The following GOSR1 variants were observed in gnomAD, a reference collection of about 807,000 sequenced individuals.
GOSR1 encodes golgi SNAP receptor complex member 1.
A neutral mutation model predicts 35.5 loss-of-function variants in GOSR1; 21 were observed. That is an observed-to-expected ratio of 0.59 (90% CI 0.42 to 0.85). The LOEUF is 0.85. Among genes scored for constraint, GOSR1 ranks in the 40% least tolerant of loss-of-function variants. GOSR1 has a pLI of 0.00. For synonymous variants in GOSR1, 94 were observed against 106.6 expected (o/e 0.88, Z 0.73); for missense variants, 285 against 309.6 (o/e 0.92, Z 0.60).
At chr17:30,480,432 A>G (rs9303633) in intron 1 of GOSR1, among the ~76,000 whole-genome samples, 81,322 of 152,092 alleles carry the variant, frequency 0.53, 22,102 homozygotes, top group East Asian at 0.83. Context: ...CTTCTTTCTT[A>G]TAACATTAAC....
intron 1 of GOSR1, among the ~76,000 whole-genome samples, chr17:30,480,403 C>G (rs186411360): frequency 1.3e-5 from 2 of 151,964 alleles, no homozygotes; most frequent in African/African-American, 4.8e-5. Flanking sequence ...AAGCAAAATC[C>G]CTTTCAAAAG....
At position 30,477,709 on chromosome 17, in the gene GOSR1, G is replaced by C. The variant is rs1914034199; in HGVS notation, c.31+245G>C. ...GGGTTGGGCAGAGTGGACAGAGCGG[G>C]GATGTAGAGGAAGAGGGCTCTCAAT... On this transcript the variant is annotated intron_variant, in intron 1 of 8. Coordinates refer to ENST00000451249, the MANE Select transcript of GOSR1 (RefSeq NM_001007025.2). 5 of 985,228 alleles carry C rather than the reference G, an allele frequency of 5.1e-6. No homozygotes were observed. The South Asian group carries it at 2.3e-4, about 46-fold the overall frequency. The allele number at this position is 985,228 out of a possible 1,614,324, so 61.0% of individuals were successfully genotyped here. A position where few individuals can be genotyped will look rare whatever the true frequency, so the allele number is the denominator to read the frequency against.
chr17:30,487,509 AC>A (rs1224262075), intron 4 of GOSR1, among the ~76,000 whole-genome samples: 2 of 152,236 alleles, frequency 1.3e-5, no homozygotes, highest in African/African-American at 4.8e-5. Context: ...AAAATTGCTT[AC>A]AAAAAAATGA....
rs959933053 is a variant in GOSR1, at chr17:30,527,327, C to G, written c.*4949C>G. On this transcript the variant is annotated 3_prime_UTR_variant, in exon 9 of 9. Coordinates refer to ENST00000451249, the MANE Select transcript of GOSR1 (RefSeq NM_001007025.2). ...AACGATTGTGCCACTGTACTCCAGCCTGGGTGACAGAGACCCTGTCTCAAA... is the reference window on the plus strand; with the variant it reads ...AACGATTGTGCCACTGTACTCCAGCGTGGGTGACAGAGACCCTGTCTCAAA... 6 of 152,314 alleles carry G rather than the reference C, an allele frequency of 3.9e-5. No homozygotes were observed. The South Asian group carries it at 1.2e-3, about 32-fold the overall frequency. The allele number at this position is 152,314 out of a possible 1,614,324, so 9.4% of individuals were successfully genotyped here.
chr17:30,510,268 T>C (rs1967567508), intron 6 of GOSR1, among the ~76,000 whole-genome samples: 3 of 152,120 alleles, frequency 2.0e-5, no homozygotes, highest in Non-Finnish European at 4.4e-5. Flanking sequence ...GAGACAGAGT[T>C]TCGCCATGTT....
chr17:30,485,792 C>G (rs1037173673), intron 4 of GOSR1, among the ~76,000 whole-genome samples: 11 of 152,130 alleles, frequency 7.2e-5, no homozygotes, highest in African/African-American at 2.7e-4. Context: ...GAGGCCAAGG[C>G]AGGTGGATCA....
chr17:30,521,987 C>T (rs1332530448), intron 8 of GOSR1, among the ~76,000 whole-genome samples: 1 of 152,136 alleles, frequency 6.6e-6, no homozygotes, highest in Non-Finnish European at 1.5e-5. Flanking sequence ...GAACTGTCAT[C>T]GTCCTTTTCT....
intron 7 of GOSR1, among the ~76,000 whole-genome samples, chr17:30,515,215 CCTT>C (rs1328556533): frequency 6.6e-6 from 1 of 152,096 alleles, no homozygotes; most frequent in Non-Finnish European, 1.5e-5. Context: ...GCAGCCTTGA[CCTT>C]CTGGGCTCAA....
intron 6 of GOSR1, among the ~76,000 whole-genome samples, chr17:30,507,955 G>C (rs1967467495): frequency 6.6e-6 from 1 of 152,156 alleles, no homozygotes; most frequent in Non-Finnish European, 1.5e-5. Context: ...GCAGCAGAGG[G>C]GTTTGAGAGG....
At chr17:30,502,832 A>G (rs1056151041) in intron 6 of GOSR1, among the ~76,000 whole-genome samples, 1 of 152,260 alleles carries the variant, frequency 6.6e-6, no homozygotes, top group Admixed American at 6.5e-5. Context: ...AACAGTATAT[A>G]TGTATTCTAC....
At chr17:30,493,127 T>A (rs1915149981) in intron 6 of GOSR1, among the ~76,000 whole-genome samples, 1 of 152,154 alleles carries the variant, frequency 6.6e-6, no homozygotes, top group South Asian at 2.1e-4. Context: ...CCCAAGTAGC[T>A]GGGACTACAG....
intron 6 of GOSR1, among the ~76,000 whole-genome samples, chr17:30,510,328 C>T (rs549518160): frequency 1.3e-5 from 2 of 151,108 alleles, no homozygotes; most frequent in African/African-American, 4.9e-5. Flanking sequence ...CCTGCATTGG[C>T]CTCCCAAAGT....
Position 30,524,105 on chromosome 17 carries a change from G to A in GOSR1, c.*1727G>A, listed in dbSNP as rs1482335384. The stretch of plus-strand genomic sequence containing the variant: ...GGAAGGCGGCAGGGTCCTCTGCCTA[G>A]GAAAACCAGAGACCTTTGTTCACTT... On this transcript the variant is annotated 3_prime_UTR_variant, in exon 9 of 9. Coordinates refer to ENST00000451249, the MANE Select transcript of GOSR1 (RefSeq NM_001007025.2). The A allele has an allele frequency of 5.7e-6, 1 of 176,352 alleles. No homozygotes were observed. Among genetic ancestry groups the A allele is most frequent in the Non-Finnish European group, 1.1e-5 (1 of 88,306 alleles). 10.9% of individuals were successfully genotyped at this position (176,352 alleles called of 1,614,324 possible).
intron 7 of GOSR1, among the ~76,000 whole-genome samples, chr17:30,516,665 A>C (rs2143900078): frequency 6.6e-6 from 1 of 152,216 alleles, no homozygotes; most frequent in East Asian, 1.9e-4. Flanking sequence ...GGCTTGCTTT[A>C]ATCACTCAAT....
rs1179896697 is a variant in GOSR1 at position 30,525,099 on chromosome 17, T to C, written c.*2721T>C. ...ACTTCCAACATCTACACTGCTGCTC[T>C]TCACCATTGGAATTCACTGTGGTAT... On this transcript the variant is annotated 3_prime_UTR_variant, in exon 9 of 9. Transcript: ENST00000451249. 6.6e-6 allele frequency: 1 copy of C among 152,246 alleles called. No homozygotes were observed. The highest frequency in any genetic ancestry group is 1.5e-5 in the Non-Finnish European group (1 of 68,042). The allele number at this position is 152,246 out of a possible 1,614,324, so 9.4% of individuals were successfully genotyped here.
At chr17:30,504,053 G>A (rs1000937266) in intron 6 of GOSR1, among the ~76,000 whole-genome samples, 5 of 149,758 alleles carry the variant, frequency 3.3e-5, no homozygotes, top group African/African-American at 1.2e-4. Context: ...TTGAGTCAGG[G>A]TCGTGCTCTG....
intron 7 of GOSR1, among the ~76,000 whole-genome samples, chr17:30,518,570 G>C (rs1967904310): frequency 6.6e-6 from 1 of 152,088 alleles, no homozygotes; most frequent in Non-Finnish European, 1.5e-5. Flanking sequence ...CTGCCCTCTA[G>C]GGCTCTAATG....
intron 6 of GOSR1, among the ~76,000 whole-genome samples, chr17:30,504,029 T>G (rs1295172691): frequency 6.7e-6 from 1 of 149,420 alleles, no homozygotes; most frequent in African/African-American, 2.4e-5. Flanking sequence ...CATTTAACTT[T>G]TTTTTTTTTT....
At chr17:30,496,709 G>C (rs1967019512) in intron 6 of GOSR1, among the ~76,000 whole-genome samples, 3 of 152,184 alleles carry the variant, frequency 2.0e-5, no homozygotes, top group Admixed American at 1.3e-4. Context: ...ACCTAGCAAA[G>C]AGAAATGGGA....
Sources: allele counts gnomAD v4.1 joint callset (sites outside exome capture counted in the v4.1 genomes callset), GRCh38; gene constraint gnomAD v4.1.1; transcripts MANE v1.5; gene names NCBI Gene and HGNC (gene_info 2026-07-23, HGNC 2026-07-21).